The following DRICH1 variants were observed in gnomAD, a reference collection of about 807,000 sequenced individuals.
The protein encoded by DRICH1 is aspartate rich 1.
A neutral mutation model predicts 39.5 loss-of-function variants in DRICH1; 38 were observed. The ratio of observed to expected loss-of-function variants is 0.96; its 90% CI spans 0.74 to 1.26. The LOEUF (loss-of-function observed/expected upper bound fraction) is 1.26. Among genes scored for constraint, DRICH1 ranks in the 50% most tolerant of loss-of-function variants. The pLI, the probability that DRICH1 is intolerant of heterozygous loss-of-function variation, is 0.00. For missense variants in DRICH1, 279 were observed against 270.4 expected (o/e 1.03, Z -0.22); for synonymous variants, 84 against 99.5 (o/e 0.84, Z 0.93).
At chr22:23,585,473 G>T in the DRICH1 span, among the ~76,000 whole-genome samples, 1 of 152,198 alleles carries the variant, frequency 6.6e-6, no homozygotes, top group East Asian at 1.9e-4. Context: ...ATATGAGGAG[G>T]TTCTAGTTAT....
At chr22:23,599,710 C>T in the DRICH1 span, among the ~76,000 whole-genome samples, 8,085 of 152,238 alleles carry the variant, frequency 0.053, 392 homozygotes, top group African/African-American at 0.12. Flanking sequence ...TGCCCTCCAG[C>T]CCTGGTTCAA....
At chr22:23,629,047 T>TGTTC (rs1444831381) in intron 1 of DRICH1, among the ~76,000 whole-genome samples, 1 of 151,986 alleles carries the variant, frequency 6.6e-6, no homozygotes, top group Non-Finnish European at 1.5e-5. Flanking sequence ...TTGTTTTGTT[T>TGTTC]GTTTGTTTGT....
chr22:23,625,646 C>T (rs1297000289), intron 2 of DRICH1, among the ~76,000 whole-genome samples: 1 of 152,094 alleles, frequency 6.6e-6, no homozygotes, highest in Non-Finnish European at 1.5e-5. Flanking sequence ...GATGTCAATG[C>T]AGTGTGGGCT....
At chr22:23,614,982 T>C (rs1209865008) in intron 8 of DRICH1, among the ~76,000 whole-genome samples, 2 of 152,212 alleles carry the variant, frequency 1.3e-5, no homozygotes, top group Non-Finnish European at 1.5e-5. Context: ...ATACATTATC[T>C]ACTGAACTGG....
chr22:23,618,327 G>A (rs1055945208), intron 6 of DRICH1, among the ~76,000 whole-genome samples: 1 of 151,858 alleles, frequency 6.6e-6, no homozygotes, highest in African/African-American at 2.4e-5. Context: ...TGTTAGCCAG[G>A]ATGGTCTCCA....
At chr22:23,613,246 G>A (rs1389341269) in intron 11 of DRICH1, 43 bp downstream of exon 11, 1 of 1,525,938 alleles carries the variant, frequency 6.6e-7, no homozygotes, top group African/African-American at 1.4e-5. Flanking sequence ...AGGCTCCTGG[G>A]AACCTTTTCC....
At chr22:23,620,549 C>T in intron 5 of DRICH1, 45 bp downstream of exon 5, 1 of 1,580,972 alleles carries the variant, frequency 6.3e-7, no homozygotes, top group Non-Finnish European at 8.6e-7. Context: ...ATATTAAAGC[C>T]AGCAAGTTTG....
chr22:23,584,321 C>T, the DRICH1 span, among the ~76,000 whole-genome samples: 1 of 152,256 alleles, frequency 6.6e-6, no homozygotes, highest in East Asian at 1.9e-4. Context: ...GGTGACTGCC[C>T]CATCTAGTCA....
chr22:23,631,184 C>T (rs936747943), intron 1 of DRICH1, among the ~76,000 whole-genome samples: 3 of 152,018 alleles, frequency 2.0e-5, no homozygotes, highest in Admixed American at 1.3e-4. Context: ...CTTTGGGAGG[C>T]CGAGGCGGGC....
At chr22:23,590,819 A>G in the DRICH1 span, among the ~76,000 whole-genome samples, 2 of 150,518 alleles carry the variant, frequency 1.3e-5, no homozygotes, top group Admixed American at 6.6e-5. Flanking sequence ...GGGGTTCACC[A>G]TGTTGGCCAG....
At chr22:23,616,524 A>G (rs1345387039) in intron 8 of DRICH1, among the ~76,000 whole-genome samples, 30 of 152,216 alleles carry the variant, frequency 2.0e-4, no homozygotes, top group Non-Finnish European at 3.2e-4. Flanking sequence ...CCCACTTGAA[A>G]TCTTTTTACC....
chr22:23,620,203 C>A (rs979293033), intron 5 of DRICH1, among the ~76,000 whole-genome samples: 6 of 152,130 alleles, frequency 3.9e-5, no homozygotes, highest in African/African-American at 1.4e-4. Flanking sequence ...CCCTCACCTC[C>A]CAAGCAGCAG....
At chr22:23,582,008 C>G in the DRICH1 span, among the ~76,000 whole-genome samples, 2 of 149,006 alleles carry the variant, frequency 1.3e-5, no homozygotes, top group African/African-American at 4.9e-5. Context: ...TTTTCAGAGT[C>G]TTGCTCTGTT....
intron 8 of DRICH1, among the ~76,000 whole-genome samples, chr22:23,616,346 T>C (rs1442826675): frequency 1.3e-5 from 2 of 152,160 alleles, no homozygotes; most frequent in Non-Finnish European, 2.9e-5. Flanking sequence ...AAACACAGGA[T>C]ACTCAAAAGC....
At chr22:23,632,437 C>G (rs898010410), upstream of DRICH1, 7 of 251,488 alleles carry the variant, frequency 2.8e-5, no homozygotes, top group South Asian at 1.5e-4. Flanking sequence ...CACAGCCCCC[C>G]CCAATGCCTC....
intron 1 of DRICH1, chr22:23,630,550 T>C (rs538522017): frequency 2.6e-5 from 4 of 152,086 alleles, no homozygotes; most frequent in Non-Finnish European, 2.9e-5. Context: ...TGACATGACT[T>C]GGGAGGCTGA....
chr22:23,592,363 T>C, the DRICH1 span, among the ~76,000 whole-genome samples: 1 of 150,168 alleles, frequency 6.7e-6, no homozygotes, highest in Non-Finnish European at 1.5e-5. Context: ...AGAGAGGAGG[T>C]GGCATCCAGT....
downstream of DRICH1, among the ~76,000 whole-genome samples, chr22:23,603,875 C>A (rs1926597652): frequency 1.3e-5 from 2 of 152,176 alleles, no homozygotes; most frequent in Admixed American, 1.3e-4. Context: ...GGAGACGAAG[C>A]CAAGCCCTTG....
chr22:23,615,943 CTCAT>C lies in DRICH1; in HGVS notation c.541+906_541+909del, dbSNP rs563304900. Among the ~76,000 whole-genome samples, 206 of 152,314 alleles carry C rather than the reference CTCAT, an allele frequency of 1.4e-3. 2 individuals carry two copies. The highest frequency in any genetic ancestry group is 3.4e-3 in the Middle Eastern group (1 of 294). ...ACAAATGATGGTAAAACTGCATATTCTCATTCAAATAAAGAAATAGAATGTTGAC... is the reference window on the plus strand; with the variant it reads ...ACAAATGATGGTAAAACTGCATATTCTCAAATAAAGAAATAGAATGTTGAC... On this transcript the variant is annotated intron_variant, in intron 8 of 11. Transcript: ENST00000317749.
Sources: gnomAD v4.1 joint callset for allele counts (sites outside exome capture counted in the v4.1 genomes callset) on GRCh38, gnomAD v4.1.1 for gene constraint, MANE v1.5 for transcripts, NCBI Gene and HGNC (gene_info 2026-07-23, HGNC 2026-07-21) for gene names.